The following CTNNA2 variants were observed in gnomAD, a reference collection of about 807,000 sequenced individuals.
The protein encoded by CTNNA2 is catenin alpha 2.
A neutral mutation model predicts 101.0 loss-of-function variants in CTNNA2; 42 were observed. That is an observed-to-expected ratio of 0.42 (90% confidence interval 0.32 to 0.54). CTNNA2 has a LOEUF of 0.54. CTNNA2 is among the 20% of genes least tolerant of loss of function. The pLI is 0.14. For missense variants in CTNNA2, 871 were observed against 1,223.1 expected (o/e 0.71, Z 4.29); for synonymous variants, 450 against 456.4 (o/e 0.99, Z 0.18).
chr2:80,509,825 A>T (rs1688562325), intron 9 of CTNNA2, among the ~76,000 whole-genome samples: 2 of 152,182 alleles, frequency 1.3e-5, no homozygotes, highest in South Asian at 4.1e-4. Flanking sequence ...CTTGGACTGG[A>T]ACGCAGGGCT....
At chr2:80,105,733 C>G (rs1354792054) in intron 7 of CTNNA2, among the ~76,000 whole-genome samples, 1 of 143,120 alleles carries the variant, frequency 7.0e-6, no homozygotes, top group Admixed American at 6.8e-5. Context: ...GATCTTGTCT[C>G]AAAAAAAAAA....
At chr2:79,548,936 CCT>C (rs1036065492) in intron 1 of CTNNA2, among the ~76,000 whole-genome samples, 55 of 152,232 alleles carry the variant, frequency 3.6e-4, no homozygotes, top group African/African-American at 1.3e-3. Flanking sequence ...TGAGCTGACC[CCT>C]GTCTGATGCT....
At position 79,272,216 on chromosome 2, in the gene CTNNA2, C is replaced by T. The variant is rs147644947; in HGVS notation, c.-405-40493C>T. Among the ~76,000 whole-genome samples the T allele has an allele frequency of 1.6e-3, 242 of 151,928 alleles. 1 individual carries two copies. Among genetic ancestry groups the T allele is most frequent in the African/African-American group, 5.2e-3 (217 of 41,476 alleles). On this transcript the variant is annotated intron_variant, in intron 2 of 21. Coordinates refer to the CTNNA2 transcript ENST00000466387. ...TGTGCTAAAAATACAACACATTTGG[C>T]GGCCAGGAGCAATGTATGATCTAAT... is the stretch of plus-strand genomic sequence containing the variant.
At chr2:79,680,858 T>A (rs2104639090) in intron 2 of CTNNA2, among the ~76,000 whole-genome samples, 1 of 152,300 alleles carries the variant, frequency 6.6e-6, no homozygotes, top group South Asian at 2.1e-4. Flanking sequence ...AAAGCTTTGC[T>A]TGTGTATCAC....
chr2:79,886,245 T>A (rs1183312002), intron 6 of CTNNA2, among the ~76,000 whole-genome samples: 1 of 152,146 alleles, frequency 6.6e-6, no homozygotes, highest in African/African-American at 2.4e-5. Flanking sequence ...CATGATGAAA[T>A]GTGAATGAGA....
intron 1 of CTNNA2, among the ~76,000 whole-genome samples, chr2:79,526,025 A>AAG (rs1285167442): frequency 6.6e-6 from 1 of 152,008 alleles, no homozygotes; most frequent in East Asian, 1.9e-4. Flanking sequence ...CTGACTTCTT[A>AAG]AATCCAGGTG....
At chr2:80,291,571 A>G (rs1485734301) in intron 7 of CTNNA2, among the ~76,000 whole-genome samples, 1 of 152,218 alleles carries the variant, frequency 6.6e-6, no homozygotes, top group East Asian at 1.9e-4. Flanking sequence ...TTAAATAAAC[A>G]CCAGCAAATC....
intron 1 of CTNNA2, among the ~76,000 whole-genome samples, chr2:79,567,768 A>G (rs574662094): frequency 5.9e-4 from 90 of 152,260 alleles, no homozygotes; most frequent in African/African-American, 1.9e-3. Flanking sequence ...TCCACAATAC[A>G]GCATAGTGGG....
chr2:79,310,497 A>G (rs909610659), intron 2 of CTNNA2, among the ~76,000 whole-genome samples: 2 of 152,204 alleles, frequency 1.3e-5, no homozygotes, highest in Non-Finnish European at 2.9e-5. Flanking sequence ...CAGATTATTA[A>G]CAGACTCTTC....
At chr2:79,434,304 A>G (rs1558665783) in intron 4 of CTNNA2, among the ~76,000 whole-genome samples, 1 of 151,928 alleles carries the variant, frequency 6.6e-6, no homozygotes, top group Non-Finnish European at 1.5e-5. Flanking sequence ...TCAAAAAAAA[A>G]AAAAAAAAAG....
intron 15 of CTNNA2, among the ~76,000 whole-genome samples, chr2:80,590,538 C>A (rs140628648): frequency 4.7e-4 from 72 of 152,026 alleles, no homozygotes; most frequent in African/African-American, 1.7e-3. Context: ...AAGACATCAT[C>A]TGATGGGTGA....
At chr2:80,090,146 C>CTCTGTG (rs1200774264) in intron 7 of CTNNA2, among the ~76,000 whole-genome samples, 2 of 140,626 alleles carry the variant, frequency 1.4e-5, no homozygotes, top group African/African-American at 2.6e-5. Context: ...CTCTCTCTCT[C>CTCTGTG]TGTGTGTGTG....
chr2:80,376,832 A>C (rs1209721190), intron 7 of CTNNA2, among the ~76,000 whole-genome samples: 1 of 152,164 alleles, frequency 6.6e-6, no homozygotes, highest in Non-Finnish European at 1.5e-5. Flanking sequence ...GGTGACTGAA[A>C]TAGAATCCAC....
intron 7 of CTNNA2, among the ~76,000 whole-genome samples, chr2:80,022,960 A>ATGT (rs1694675799): frequency 6.6e-6 from 1 of 152,178 alleles, no homozygotes; most frequent in South Asian, 2.1e-4. Context: ...AAAGACAACT[A>ATGT]TGTTGTCTTG....
At chr2:79,655,909 C>T (rs1034857641) in intron 2 of CTNNA2, among the ~76,000 whole-genome samples, 1 of 151,964 alleles carries the variant, frequency 6.6e-6, no homozygotes, top group Non-Finnish European at 1.5e-5. Flanking sequence ...AAAAGCAATG[C>T]ATTAAAATAT....
At chr2:80,393,371 T>C in intron 8 of CTNNA2, 80 bp downstream of exon 8, 2 of 992,228 alleles carry the variant, frequency 2.0e-6, no homozygotes, top group Non-Finnish European at 3.1e-6. Context: ...GGTGTCTTCT[T>C]GGAGATGACA....
chr2:80,555,196 G>A (rs1241700665), intron 11 of CTNNA2, among the ~76,000 whole-genome samples: 2 of 152,138 alleles, frequency 1.3e-5, no homozygotes, highest in Non-Finnish European at 2.9e-5. Context: ...ATGAAAACAT[G>A]ATTAAAGAAA....
At chr2:79,608,936 T>C (rs1216685699) in intron 1 of CTNNA2, among the ~76,000 whole-genome samples, 2 of 151,944 alleles carry the variant, frequency 1.3e-5, no homozygotes, top group Non-Finnish European at 2.9e-5. Flanking sequence ...AATATGTAGA[T>C]TGGAAAGCAT....
At position 80,122,120 on chromosome 2, in the gene CTNNA2, T is replaced by C. The variant is rs1461104720; in HGVS notation, c.1056+212323T>C. On this transcript the variant is annotated intron_variant, in intron 7 of 18. Transcript: ENST00000402739. ...AATTCACAGATGGCTCACCTTTTTT[T>C]CTGTAAGGAATTACGTGGCTCTGGG... Among the ~76,000 whole-genome samples the C allele has an allele frequency of 2.0e-5, 3 of 152,302 alleles. No homozygotes were observed. The East Asian group carries it at 5.8e-4, about 29-fold the overall frequency.
Sources: allele counts gnomAD v4.1 joint callset (sites outside exome capture counted in the v4.1 genomes callset), GRCh38; gene constraint gnomAD v4.1.1; transcripts MANE v1.5; gene names NCBI Gene and HGNC (gene_info 2026-07-23, HGNC 2026-07-21).